Variants in CATSPERB observed in about 807,000 individuals in gnomAD.
The protein encoded by CATSPERB is cation channel sperm-associated auxiliary subunit beta.
Under a neutral mutation model 128.3 loss-of-function variants are expected in CATSPERB, and 93 were observed. The observed-to-expected ratio is 0.72, with a 90% CI of 0.61 to 0.86. The LOEUF (loss-of-function observed/expected upper bound fraction) is 0.86, where lower values mean the gene tolerates loss of function less well. CATSPERB is among the 40% of genes least tolerant of loss of function. The probability of loss-of-function intolerance (pLI) is 0.00; values close to 1 mark genes in which losing one functional copy is unlikely to be tolerated. For missense variants in CATSPERB, 1,153 were observed against 1,329.5 expected (o/e 0.87, Z 2.06); for synonymous variants, 381 against 448.8 (o/e 0.85, Z 1.91).
At chr14:91,706,729 C>A (rs1182671465) in intron 6 of CATSPERB, among the ~76,000 whole-genome samples, 1 of 152,156 alleles carries the variant, frequency 6.6e-6, no homozygotes, top group Non-Finnish European at 1.5e-5. Context: ...TCTGCTTCTC[C>A]TGTCTTCAGC....
intron 10 of CATSPERB, among the ~76,000 whole-genome samples, chr14:91,688,222 A>G (rs1895408158): frequency 6.6e-6 from 1 of 152,152 alleles, no homozygotes; most frequent in South Asian, 2.1e-4. Context: ...CTGGAAATAG[A>G]AATTCTGGAC....
intron 26 of CATSPERB, among the ~76,000 whole-genome samples, chr14:91,585,598 C>T (rs189860565): frequency 6.6e-6 from 1 of 152,064 alleles, no homozygotes. Flanking sequence ...TCATTTTCTA[C>T]TTATTTCAAA....
intron 23 of CATSPERB, among the ~76,000 whole-genome samples, chr14:91,591,000 T>C (rs906876602): frequency 1.3e-5 from 2 of 152,054 alleles, no homozygotes; most frequent in African/African-American, 2.4e-5. Context: ...TTTCTCAATA[T>C]ACAGTGTCAC....
chr14:91,729,896 T>C (rs77866910), intron 1 of CATSPERB, among the ~76,000 whole-genome samples: 8,131 of 152,174 alleles, frequency 0.053, 283 homozygotes, highest in East Asian at 0.13. Flanking sequence ...CACATTCTCG[T>C]TGAGTGTGCC....
intron 17 of CATSPERB, among the ~76,000 whole-genome samples, chr14:91,628,120 T>A (rs1450149094): frequency 6.6e-6 from 1 of 152,246 alleles, no homozygotes; most frequent in South Asian, 2.1e-4. Context: ...ATAATCTTTA[T>A]GCCAAAGTGG....
rs202016775 is a variant in CATSPERB at position 91,595,215 on chromosome 14, GA to G, written c.2710-3214del. On this transcript the variant is annotated intron_variant, in intron 22 of 26. Transcript: ENST00000256343. ...CCTAATATTCGTATACAGTGTAGAAGAAAAATTATTTTTTACATAGGCTTTT... is the reference window on the plus strand; with the variant it reads ...CCTAATATTCGTATACAGTGTAGAAGAAAATTATTTTTTACATAGGCTTTT... Among the ~76,000 whole-genome samples the G allele has an allele frequency of 6.6e-3, 1,008 of 152,086 alleles. 11 individuals are homozygous for G. The highest frequency in any genetic ancestry group is 0.022 in the African/African-American group (913 of 41,542).
In CATSPERB at chr14:91,654,392, A is replaced by T. The variant is rs369786482; in HGVS notation, c.1432+5445T>A. 2.3e-4 allele frequency among the ~76,000 whole-genome samples: 35 copies of T among 152,222 alleles called. No homozygotes were observed. In the East Asian group the frequency reaches 5.0e-3, roughly 22 times the overall value. On this transcript the variant is annotated intron_variant, in intron 15 of 26. Coordinates refer to ENST00000256343, the MANE Select transcript of CATSPERB (RefSeq NM_024764.4). ...TGGGGCCACTGCCCTGAAAGGAGAA[A>T]TCCAGGACTGGCAGCATTCACCAGA...
chr14:91,619,897 G>A (rs1013886595), intron 19 of CATSPERB, among the ~76,000 whole-genome samples: 10 of 148,688 alleles, frequency 6.7e-5, no homozygotes, highest in African/African-American at 2.5e-4. Flanking sequence ...GTGTGTGTGT[G>A]TGTGTGTGTG....
intron 14 of CATSPERB, among the ~76,000 whole-genome samples, chr14:91,664,422 C>T (rs1894944527): frequency 6.6e-6 from 1 of 151,946 alleles, no homozygotes; most frequent in Non-Finnish European, 1.5e-5. Context: ...CCTGCCACCA[C>T]ACCCAGCTAA....
At chr14:91,663,644 C>CAAAAA (rs34498815) in intron 14 of CATSPERB, among the ~76,000 whole-genome samples, 1 of 86,776 alleles carries the variant, frequency 1.2e-5, no homozygotes, top group African/African-American at 4.8e-5. Context: ...GACTCCGTCT[C>CAAAAA]AAAAAAAAAA....
chr14:91,729,420 T>C lies in CATSPERB; in HGVS notation c.60A>G (p.Ser20=). 6.7e-7 allele frequency: 1 copy of C among 1,497,666 alleles called. No individual in the cohort carries two copies. The highest frequency in any genetic ancestry group is 1.2e-5 in the South Asian group (1 of 83,012). 92.8% of individuals were successfully genotyped at this position (1,497,666 alleles called of 1,614,324 possible). A position where few individuals can be genotyped will look rare whatever the true frequency, so the allele number is the denominator to read the frequency against. ...VLLLNIFEFS[S]GIVYNKDDTE... ...ACTTACCTTTATTATATACTATTCC[T>C]GATGAAAATTCAAATATGTTCAAAA... The change falls in exon 2 of 27, where the codon TCA becomes TCG. Residue 20 remains serine, a synonymous_variant. Transcript: ENST00000256343.
At chr14:91,622,606 T>G (rs1894071403) in intron 18 of CATSPERB, among the ~76,000 whole-genome samples, 1 of 152,184 alleles carries the variant, frequency 6.6e-6, no homozygotes, top group African/African-American at 2.4e-5. Context: ...TCATCAATAC[T>G]CTCTTACTCT....
intron 22 of CATSPERB, among the ~76,000 whole-genome samples, chr14:91,600,751 T>G (rs1262123600): frequency 6.6e-6 from 1 of 152,184 alleles, no homozygotes; most frequent in Non-Finnish European, 1.5e-5. Flanking sequence ...TACTTTAACA[T>G]GGTAAAAAGA....
rs368488107 is a variant in CATSPERB, at chr14:91,587,271, A to T, written c.3063T>A (p.Ser1021=). Residue 1021 remains serine (S), a synonymous_variant, in exon 26 of 27, where the codon TCT becomes TCA. Transcript: ENST00000256343. ...PSGLNLSIKG[S]ELFHFRVTVI... Reference sequence around the variant, plus strand: ...CGGTCACTCTAAAGTGGAAAAGTTCAGAGCCCTGTGGAAAAAAGCACACCC... The same window carrying T: ...CGGTCACTCTAAAGTGGAAAAGTTCTGAGCCCTGTGGAAAAAAGCACACCC... 6.2e-7 allele frequency: 1 copy of T among 1,604,668 alleles called. No individual in the cohort carries two copies. The highest frequency in any genetic ancestry group is 8.5e-7 in the Non-Finnish European group (1 of 1,176,650).
At chr14:91,633,423 A>G (rs1894312299) in intron 17 of CATSPERB, among the ~76,000 whole-genome samples, 1 of 152,166 alleles carries the variant, frequency 6.6e-6, no homozygotes, top group Non-Finnish European at 1.5e-5. Context: ...AGAAAATTAA[A>G]AAAAAAAGAA....
At chr14:91,723,513 A>G (rs1896067748) in intron 3 of CATSPERB, among the ~76,000 whole-genome samples, 1 of 152,220 alleles carries the variant, frequency 6.6e-6, no homozygotes, top group Non-Finnish European at 1.5e-5. Flanking sequence ...AAGCAACTAT[A>G]TAAAGCAAAG....
chr14:91,609,712 T>G (rs1035260539), intron 21 of CATSPERB, among the ~76,000 whole-genome samples: 3 of 152,136 alleles, frequency 2.0e-5, no homozygotes, highest in African/African-American at 4.8e-5. Context: ...TTATTAATTT[T>G]TTAGATATTT....
At chr14:91,613,540 G>A (rs560863699) in intron 20 of CATSPERB, among the ~76,000 whole-genome samples, 1 of 152,300 alleles carries the variant, frequency 6.6e-6, no homozygotes, top group East Asian at 1.9e-4. Flanking sequence ...TATTGTTAGA[G>A]TAGGCAGAAG....
At chr14:91,653,408 G>C (rs1894740309) in intron 15 of CATSPERB, among the ~76,000 whole-genome samples, 1 of 152,088 alleles carries the variant, frequency 6.6e-6, no homozygotes, top group African/African-American at 2.4e-5. Flanking sequence ...GAAGGCTCTC[G>C]GTTATACCCT....
Sources: allele counts gnomAD v4.1 joint callset (sites outside exome capture counted in the v4.1 genomes callset), GRCh38; gene constraint gnomAD v4.1.1; transcripts MANE v1.5; gene names NCBI Gene and HGNC (gene_info 2026-07-23, HGNC 2026-07-21).